The following STK38 variants were observed in gnomAD, a reference collection of about 807,000 sequenced individuals.
The protein encoded by STK38 is serine/threonine kinase 38.
STK38 carries 26 observed loss-of-function variants against 59.0 expected under a neutral mutation model. The observed-to-expected ratio is 0.44, with a 90% CI of 0.32 to 0.61. STK38 has a LOEUF of 0.61. Ranked by LOEUF, STK38 falls within the 20% of genes least tolerant of loss-of-function variation. STK38 has a pLI of 0.04. For synonymous variants in STK38, 175 were observed against 176.6 expected (o/e 0.99, Z 0.07); for missense variants, 433 against 566.0 (o/e 0.76, Z 2.38).
chr6:36,525,547 C>G (rs545337548), intron 3 of STK38, 44 bp downstream of exon 3: 3 of 1,582,986 alleles, frequency 1.9e-6, no homozygotes, highest in Non-Finnish European at 2.6e-6. Flanking sequence ...AAGATACAAC[C>G]TGCCACGCTG....
chr6:36,503,791 G>A (rs1019507863), intron 9 of STK38, among the ~76,000 whole-genome samples: 1 of 146,220 alleles, frequency 6.8e-6, no homozygotes, highest in African/African-American at 2.6e-5. Context: ...ACCTGTGAAG[G>A]TAAAAGTATT....
rs1264372227 is a variant in STK38 at position 36,515,329 on chromosome 6, C to A, written c.669+9G>T. 15 of 1,613,638 alleles carry A rather than the reference C, an allele frequency of 9.3e-6. No individual in the cohort carries two copies. The highest frequency in any genetic ancestry group is 1.3e-5 in the Non-Finnish European group (15 of 1,179,772). The stretch of plus-strand genomic sequence containing the variant: ...ACGTGCATAGTTCATGCCAATGCCC[C>A]CCCAATACCTTGCTGTCCAAAAGAA... On this transcript the variant is annotated intron_variant, in intron 7 of 13. Coordinates refer to ENST00000229812, the MANE Select transcript of STK38 (RefSeq NM_007271.4).
chr6:36,516,439 C>T (rs1450018082), intron 6 of STK38, among the ~76,000 whole-genome samples: 10 of 152,146 alleles, frequency 6.6e-5, no homozygotes, highest in African/African-American at 2.4e-4. Flanking sequence ...GAGAAAGAAA[C>T]CTCTGATTTT....
At position 36,527,207 on chromosome 6, in the gene STK38, A is replaced by AATATATAT. The variant is rs1554168829; in HGVS notation, c.132-1566_132-1565insATATATAT. 5.2e-3 allele frequency among the ~76,000 whole-genome samples: 624 copies of AATATATAT among 119,298 alleles called. 8 individuals carry two copies. The highest frequency in any genetic ancestry group is 0.021 in the East Asian group (84 of 4,094). 78.3% of individuals were successfully genotyped at this position (119,298 alleles called of 152,430 possible). A position where few individuals can be genotyped will look rare whatever the true frequency, so the allele number is the denominator to read the frequency against. On this transcript the variant is annotated intron_variant, in intron 2 of 13. Transcript: ENST00000229812. ...ACTCCGTCTCAAAAAAAAAAAAAAA[A>AATATATAT]ATATATGTATATATATATATATTTA...
Position 36,524,252 on chromosome 6 carries a change from G to T in STK38, c.306+89C>A, listed in dbSNP as rs1777453736. 6.9e-6 allele frequency: 10 copies of T among 1,459,730 alleles called. No individual in the cohort carries two copies. The East Asian group carries it at 7.2e-5, about 11-fold the overall frequency. 90.4% of individuals were successfully genotyped at this position (1,459,730 alleles called of 1,614,324 possible). A position where few individuals can be genotyped will look rare whatever the true frequency, so the allele number is the denominator to read the frequency against. On this transcript the variant is annotated intron_variant, in intron 4 of 13. Coordinates refer to ENST00000229812, the MANE Select transcript of STK38 (RefSeq NM_007271.4). ...CTGACTCATTTAATTCCATATATTT[G>T]TTATATCAACAATCATGACTTAATG... is the stretch of plus-strand genomic sequence containing the variant.
At chr6:36,540,775 C>T (rs1047355899) in intron 1 of STK38, among the ~76,000 whole-genome samples, 1 of 152,044 alleles carries the variant, frequency 6.6e-6, no homozygotes, top group African/African-American at 2.4e-5. Flanking sequence ...TACAGGCATG[C>T]GCCACCACAC....
chr6:36,501,656 C>T (rs570085732), intron 9 of STK38, among the ~76,000 whole-genome samples: 1 of 151,684 alleles, frequency 6.6e-6, no homozygotes, highest in East Asian at 2.0e-4. Flanking sequence ...AACTCCTGAC[C>T]TCAAGTGATC....
Position 36,497,777 on chromosome 6 carries a change from T to C in STK38, c.1172+3A>G, listed in dbSNP as rs1239375589. The C allele has an allele frequency of 6.2e-7, 1 of 1,604,316 alleles. No individual in the cohort carries two copies. Among genetic ancestry groups the C allele is most frequent in the Non-Finnish European group, 8.5e-7 (1 of 1,173,140 alleles). On this transcript the variant is annotated splice_donor_region_variant and intron_variant, in intron 12 of 13. Transcript: ENST00000229812. ...AATTCTGAAAGTGTTTATATGGATA[T>C]ACCTGATATGTTCCCAGTCAACGCC... is the stretch of plus-strand genomic sequence containing the variant.
Position 36,507,557 on chromosome 6 carries a change from T to G in STK38, c.715A>C (p.Lys239Gln). The G allele has an allele frequency of 6.2e-7, 1 of 1,614,142 alleles. No individual in the cohort carries two copies. The highest frequency in any genetic ancestry group is 2.2e-5 in the East Asian group (1 of 44,878). ...SDFGLCTGLKKAHRTEFYRNL... is the reference protein window; with the variant it reads ...SDFGLCTGLKQAHRTEFYRNL... ...CTATAAAATTCTGTCCTATGTGCTT[T>G]TTTCAGTCCTGTGCAAAGACCAAAG... The change falls in exon 8 of 14, where the codon AAA becomes CAA. Residue 239 changes from lysine (K) to glutamine (Q), a missense_variant. Around this residue, in one of 3 missense-constraint regions of STK38, gnomAD observed 293 missense variants for 388.2 expected, o/e 0.75. Coordinates refer to ENST00000229812, the MANE Select transcript of STK38 (RefSeq NM_007271.4).
At chr6:36,515,518 C>CCACACACACACACA (rs66494457) in intron 6 of STK38, 26 bp from the exon 7 acceptor site, 12 of 1,538,628 alleles carry the variant, frequency 7.8e-6, no homozygotes, top group Admixed American at 3.7e-5. Flanking sequence ...TACAAAGCCA[C>CCACACACACACACA]CACACACACA....
At chr6:36,513,293 C>A (rs991844487) in intron 7 of STK38, among the ~76,000 whole-genome samples, 1 of 138,368 alleles carries the variant, frequency 7.2e-6, no homozygotes, top group Non-Finnish European at 1.5e-5. Context: ...GCTGGGATTA[C>A]AGGTGTGAGC....
intron 4 of STK38, among the ~76,000 whole-genome samples, chr6:36,523,491 A>T (rs1207383653): frequency 1.4e-5 from 2 of 148,082 alleles, no homozygotes. Context: ...CGAACTCCTG[A>T]CCTTGTGATC....
At chr6:36,500,653 G>A (rs1304760249) in intron 9 of STK38, among the ~76,000 whole-genome samples, 3 of 151,264 alleles carry the variant, frequency 2.0e-5, no homozygotes, top group African/African-American at 4.9e-5. Context: ...CTAGCTTCTC[G>A]GGAGGCTGAG....
chr6:36,499,769 T>C (rs1776793430), intron 10 of STK38, 104 bp downstream of exon 10: 2 of 921,834 alleles, frequency 2.2e-6, no homozygotes, highest in Admixed American at 1.7e-5. Context: ...GAAAGACAAG[T>C]AGGGAAATCA....
intron 2 of STK38, among the ~76,000 whole-genome samples, chr6:36,539,134 C>T (rs1308247921): frequency 1.3e-5 from 2 of 151,260 alleles, no homozygotes; most frequent in African/African-American, 4.9e-5. Flanking sequence ...GCCTGTAATC[C>T]CAGCACTATG....
At chr6:36,498,221 C>G in intron 11 of STK38, 142 bp downstream of exon 11, 1 of 1,202,436 alleles carries the variant, frequency 8.3e-7, no homozygotes, top group South Asian at 1.5e-5. Flanking sequence ...CGTAAGCCAC[C>G]ATGCACAGCC....
intron 10 of STK38, 103 bp from the exon 11 acceptor site, chr6:36,498,589 C>A: frequency 5.9e-5 from 55 of 935,740 alleles, no homozygotes; most frequent in Non-Finnish European, 6.7e-5. Context: ...TTTCTTTTTT[C>A]TTTTTTTTTT....
At chr6:36,514,898 A>T (rs1008195970) in intron 7 of STK38, among the ~76,000 whole-genome samples, 1 of 150,570 alleles carries the variant, frequency 6.6e-6, no homozygotes, top group Non-Finnish European at 1.5e-5. Context: ...CTTTAAGCAG[A>T]GAGCATGATT....
chr6:36,525,684 T>C (rs753843414), intron 2 of STK38, 42 bp from the exon 3 acceptor site: 1 of 1,543,302 alleles, frequency 6.5e-7, no homozygotes, highest in Non-Finnish European at 8.9e-7. Context: ...CACATCTGAA[T>C]GATAACTTTC....
Sources: gnomAD v4.1 joint callset for allele counts (sites outside exome capture counted in the v4.1 genomes callset) on GRCh38, gnomAD v4.1.1 for gene constraint, gnomAD v4.1.1 regional missense constraint, MANE v1.5 for transcripts, NCBI Gene and HGNC (gene_info 2026-07-23, HGNC 2026-07-21) for gene names.